The following DOCK8 variants were observed in gnomAD, a reference collection of about 807,000 sequenced individuals.
DOCK8 encodes dedicator of cytokinesis 8, also known as dedicator of cytokinesis protein 8.
A neutral mutation model predicts 245.6 loss-of-function variants in DOCK8; 141 were observed. The observed-to-expected ratio is 0.57, with a 90% CI of 0.50 to 0.66. The LOEUF (loss-of-function observed/expected upper bound fraction) is 0.66. DOCK8 is among the 30% of genes least tolerant of loss of function. DOCK8 has a pLI of 0.00. For synonymous variants in DOCK8, 1,168 were observed against 970.2 expected, an observed-to-expected ratio of 1.20 and a Z score of -3.79; for missense variants, 2,965 against 2,603.4, an observed-to-expected ratio of 1.14 and a Z score of -3.02.
intron 14 of DOCK8, among the ~76,000 whole-genome samples, chr9:344,519 C>T (rs908922637): frequency 2.6e-5 from 4 of 151,346 alleles, no homozygotes; most frequent in Non-Finnish European, 5.9e-5. Context: ...GGTCTGAACC[C>T]CAGGTAAAAT....
At chr9:260,703 G>C (rs895720086) in intron 1 of DOCK8, among the ~76,000 whole-genome samples, 2 of 152,092 alleles carry the variant, frequency 1.3e-5, no homozygotes, top group African/African-American at 4.8e-5. Flanking sequence ...AGAAATTATT[G>C]CCCAGTTTTA....
Position 418,207 on chromosome 9 carries a change from G to A in DOCK8, c.3840G>A (p.Leu1280=), listed in dbSNP as rs1001055970. 3 of 1,614,010 alleles carry A rather than the reference G, an allele frequency of 1.9e-6. No individual in the cohort carries two copies. The African/African-American group carries it at 4.0e-5, about 22-fold the overall frequency. ...CAAGTGGAATAGTGCTGTCTTCCTT[G>A]GTATGTTGGTGCACATGTGTCTGGT... ...LKTSGIVLSS[L]PYKQYNMLNA... is the part of the protein sequence containing the mutation. Residue 1280 remains leucine (L), a splice_region_variant and synonymous_variant, in exon 30 of 48, where the codon TTG becomes TTA. Transcript: ENST00000432829.
intron 28 of DOCK8, among the ~76,000 whole-genome samples, chr9:410,898 A>G (rs1050876462): frequency 7.2e-5 from 11 of 152,352 alleles, no homozygotes; most frequent in Non-Finnish European, 1.3e-4. Flanking sequence ...CAATCATATC[A>G]CAAGAGACCT....
At chr9:303,803 G>C (rs1332327029) in intron 4 of DOCK8, among the ~76,000 whole-genome samples, 2 of 151,654 alleles carry the variant, frequency 1.3e-5, no homozygotes, top group Non-Finnish European at 2.9e-5. Flanking sequence ...AATAAAAGTT[G>C]GAAAAAAATA....
At chr9:212,230 T>C (rs765236639), upstream of DOCK8, among the ~76,000 whole-genome samples, 2 of 152,154 alleles carry the variant, frequency 1.3e-5, no homozygotes, top group Non-Finnish European at 2.9e-5. Flanking sequence ...TTCAATAAAA[T>C]AGGTAAGATG....
chr9:279,693 T>A (rs903370245), intron 2 of DOCK8, among the ~76,000 whole-genome samples: 7 of 152,250 alleles, frequency 4.6e-5, no homozygotes, highest in Non-Finnish European at 1.0e-4. Context: ...TTTGGCATCA[T>A]GAAGTCTTAG....
intron 26 of DOCK8, among the ~76,000 whole-genome samples, chr9:400,420 T>A (rs1316512854): frequency 9.1e-4 from 16 of 17,528 alleles, no homozygotes; most frequent in Non-Finnish European, 1.3e-3. Flanking sequence ...CACCACCACC[T>A]CCACCATCAC....
At position 429,930 on chromosome 9, in the gene DOCK8, A is replaced by G; in HGVS notation, c.4626+76A>G. ...TGTAAAGCATCAGCTGCGAAAAAAA[A>G]TAAGGAAATTTTGCAGTATTGCAGT... On this transcript the variant is annotated intron_variant, in intron 36 of 47. Coordinates refer to ENST00000432829, the MANE Select transcript of DOCK8 (RefSeq NM_203447.4). 1 of 1,568,328 alleles carries G rather than the reference A, an allele frequency of 6.4e-7. No homozygotes were observed. The highest frequency in any genetic ancestry group is 8.7e-7 in the Non-Finnish European group (1 of 1,152,144).
intron 46 of DOCK8, among the ~76,000 whole-genome samples, chr9:455,639 C>T (rs1341633498): frequency 1.3e-5 from 2 of 152,162 alleles, no homozygotes; most frequent in Non-Finnish European, 2.9e-5. Flanking sequence ...AGTGGAGAGC[C>T]TGCAAAGATT....
chr9:458,609 A>G (rs2057712689), intron 46 of DOCK8, among the ~76,000 whole-genome samples: 1 of 152,188 alleles, frequency 6.6e-6, no homozygotes. Context: ...CACAAGTTCG[A>G]GACCAGCCTG....
chr9:461,549 T>TC (rs2131966634), intron 46 of DOCK8, among the ~76,000 whole-genome samples: 1 of 136,336 alleles, frequency 7.3e-6, no homozygotes, highest in East Asian at 2.1e-4. Context: ...TTTTTTTTTT[T>TC]TTTTTTTGGT....
chr9:340,258 G>C lies in DOCK8; in HGVS notation c.1616G>C (p.Arg539Pro). The C allele has an allele frequency of 6.2e-7, 1 of 1,614,072 alleles. No individual in the cohort carries two copies. The highest frequency in any genetic ancestry group is 8.5e-7 in the Non-Finnish European group (1 of 1,180,014). The change falls in exon 14 of 48, where the codon CGC becomes CCC. Residue 539 changes from arginine (R) to proline (P), a missense_variant. By Grantham distance (103) the Arg-to-Pro change is moderately radical. Around this residue, in one of 3 missense-constraint regions of DOCK8, gnomAD observed 2,825 missense variants for 2,453.5 expected, o/e 1.15. Coordinates refer to ENST00000432829, the MANE Select transcript of DOCK8 (RefSeq NM_203447.4). Reference sequence around the variant, plus strand: ...AAACCCTTTCCTGAAAACCGGACACGCCCGCACAAAGAGATTTTGGAATTT... The same window carrying C: ...AAACCCTTTCCTGAAAACCGGACACCCCCGCACAAAGAGATTTTGGAATTT... ...PVKPFPENRT[R>P]PHKEILEFPT... is the part of the protein sequence containing the mutation.
Position 340,319 on chromosome 9 carries a change from C to T in DOCK8, c.1677C>T (p.Tyr559=), listed in dbSNP as rs1361341588. The T allele has an allele frequency of 3.7e-6, 6 of 1,614,054 alleles. No homozygotes were observed. Among genetic ancestry groups the T allele is most frequent in the Non-Finnish European group, 5.1e-6 (6 of 1,179,968 alleles). ...AAGTATATGTCCCTCACACTGTGTA[C>T]AGGTAAGAAACACAGGCTCGGGCTG... ...TREVYVPHTV[Y]RNLLYVYPQR... is the part of the protein sequence containing the mutation. The change falls in exon 14 of 48, where the codon TAC becomes TAT. Residue 559 remains tyrosine, a splice_region_variant and synonymous_variant. Transcript: ENST00000432829.
At chr9:309,341 A>T (rs1025709154) in intron 5 of DOCK8, among the ~76,000 whole-genome samples, 1 of 152,190 alleles carries the variant, frequency 6.6e-6, no homozygotes, top group Non-Finnish European at 1.5e-5. Flanking sequence ...AAAATTTATG[A>T]TCTAGTAGAG....
chr9:216,796 G>T (rs2046766015), intron 1 of DOCK8, among the ~76,000 whole-genome samples: 1 of 152,138 alleles, frequency 6.6e-6, no homozygotes, highest in Admixed American at 6.5e-5. Context: ...GGGCAGGGTT[G>T]ATCTGGGGTG....
chr9:315,543 T>G (rs2050306337), intron 6 of DOCK8, among the ~76,000 whole-genome samples: 1 of 152,248 alleles, frequency 6.6e-6, no homozygotes, highest in Non-Finnish European at 1.5e-5. Context: ...TTTTTAGGCA[T>G]AATGGTATTG....
At chr9:355,970 C>G (rs755155945) in intron 14 of DOCK8, among the ~76,000 whole-genome samples, 7 of 152,146 alleles carry the variant, frequency 4.6e-5, no homozygotes, top group Non-Finnish European at 1.0e-4. Context: ...AAAATACATT[C>G]TTAGTAAATG....
At chr9:428,120 C>G (rs1398613952) in intron 34 of DOCK8, among the ~76,000 whole-genome samples, 1 of 152,188 alleles carries the variant, frequency 6.6e-6, no homozygotes, top group Non-Finnish European at 1.5e-5. Flanking sequence ...GGGCCTTATA[C>G]CTTCATTTAG....
intron 11 of DOCK8, among the ~76,000 whole-genome samples, chr9:334,680 C>T (rs1020498463): frequency 2.6e-5 from 4 of 151,986 alleles, no homozygotes; most frequent in Admixed American, 6.6e-5. Flanking sequence ...AAAAGTAAAA[C>T]TTTAACAAGA....
Sources: allele counts gnomAD v4.1 joint callset (sites outside exome capture counted in the v4.1 genomes callset), GRCh38; gene constraint gnomAD v4.1.1; regional missense constraint gnomAD v4.1.1; transcripts MANE v1.5; gene names NCBI Gene and HGNC (gene_info 2026-07-23, HGNC 2026-07-21).